Variants in PDGFC observed in about 807,000 individuals in gnomAD.
The protein encoded by PDGFC is platelet derived growth factor C, also known as platelet-derived growth factor C.
In PDGFC, 12 loss-of-function variants were observed where a neutral mutation model predicts 35.5. The ratio of observed to expected loss-of-function variants is 0.34; its 90% CI spans 0.22 to 0.55. PDGFC has a LOEUF of 0.55. Among genes scored for constraint, PDGFC ranks in the 20% least tolerant of loss-of-function variants. The pLI, the probability that PDGFC is intolerant of heterozygous loss-of-function variation, is 0.91. For missense variants in PDGFC, 322 were observed against 412.4 expected, an observed-to-expected ratio of 0.78 and a Z score of 1.90; for synonymous variants, 159 against 148.8, an observed-to-expected ratio of 1.07 and a Z score of -0.50.
rs1489220548 is a variant in PDGFC, at chr4:156,865,185, T to TGC, written c.119-14771_119-14770dup. On this transcript the variant is annotated intron_variant, in intron 1 of 5. Transcript: ENST00000502773. ...TCACTTTAGGATTAGAAGATACATGTGCACACACACACACACACACACACA... is the reference window on the plus strand; with the variant it reads ...TCACTTTAGGATTAGAAGATACATGTGCGCACACACACACACACACACACACA... 3.1e-4 allele frequency among the ~76,000 whole-genome samples: 37 copies of TGC among 119,580 alleles called. No individual in the cohort carries two copies. The East Asian group carries it at 3.3e-3, about 11-fold the overall frequency. 78.4% of individuals were successfully genotyped at this position (119,580 alleles called of 152,430 possible).
At chr4:156,787,610 T>C (rs1169707444) in intron 3 of PDGFC, among the ~76,000 whole-genome samples, 1 of 151,884 alleles carries the variant, frequency 6.6e-6, no homozygotes, top group African/African-American at 2.4e-5. Context: ...AATAGCCTTA[T>C]TGATGTGCTG....
chr4:156,877,763 T>C, intron 1 of PDGFC, among the ~76,000 whole-genome samples: 1 of 152,126 alleles, frequency 6.6e-6, no homozygotes, highest in Non-Finnish European at 1.5e-5. Context: ...TACTTCCTCT[T>C]CTGAGTTCAT....
intron 3 of PDGFC, among the ~76,000 whole-genome samples, chr4:156,776,453 A>G (rs1261530609): frequency 2.0e-5 from 3 of 152,228 alleles, no homozygotes; most frequent in African/African-American, 7.2e-5. Context: ...GGTGTTCTGC[A>G]ATGTAGACAA....
At chr4:156,766,473 C>T (rs1730533337) in intron 5 of PDGFC, among the ~76,000 whole-genome samples, 1 of 152,116 alleles carries the variant, frequency 6.6e-6, no homozygotes, top group Non-Finnish European at 1.5e-5. Context: ...ATCCCATCTC[C>T]TCCTCCAGCA....
intron 2 of PDGFC, among the ~76,000 whole-genome samples, chr4:156,835,078 A>T (rs866018496): frequency 3.5e-4 from 54 of 152,302 alleles, no homozygotes; most frequent in African/African-American, 1.2e-3. Flanking sequence ...GAGGTGTGGG[A>T]TAGGGTCGGA....
rs1488756938 is a variant in PDGFC, at chr4:156,971,600, G to A, written c.-697C>T. On this transcript the variant is annotated 5_prime_UTR_variant, in exon 1 of 6. Coordinates refer to ENST00000502773, the MANE Select transcript of PDGFC (RefSeq NM_016205.3). ...CAGTTGGCCCCGGGTTCGGAGCGCCGCAGCACGGATTCCGGCACCTGGCTT... is the reference window on the plus strand; with the variant it reads ...CAGTTGGCCCCGGGTTCGGAGCGCCACAGCACGGATTCCGGCACCTGGCTT... Among the ~76,000 whole-genome samples the A allele has an allele frequency of 1.3e-5, 2 of 151,432 alleles. No homozygotes were observed. Among genetic ancestry groups the A allele is most frequent in the African/African-American group, 2.4e-5 (1 of 41,304 alleles).
chr4:156,904,824 A>G (rs1417615598), intron 1 of PDGFC, among the ~76,000 whole-genome samples: 1 of 152,092 alleles, frequency 6.6e-6, no homozygotes, highest in Non-Finnish European at 1.5e-5. Context: ...CTACACTTAA[A>G]TGTTTACTGA....
At chr4:156,949,767 C>T (rs542979039) in intron 1 of PDGFC, among the ~76,000 whole-genome samples, 50 of 151,996 alleles carry the variant, frequency 3.3e-4, no homozygotes, top group African/African-American at 1.2e-3. Context: ...CTATGGAAAT[C>T]AAAGACTGCA....
intron 1 of PDGFC, among the ~76,000 whole-genome samples, chr4:156,887,891 T>C (rs1296123339): frequency 6.6e-6 from 1 of 150,474 alleles, no homozygotes; most frequent in Non-Finnish European, 1.5e-5. Flanking sequence ...CAGTCCCAGG[T>C]ACTTGGGAGG....
At chr4:156,881,534 C>T (rs1383975950) in intron 1 of PDGFC, among the ~76,000 whole-genome samples, 2 of 152,014 alleles carry the variant, frequency 1.3e-5, no homozygotes, top group Non-Finnish European at 2.9e-5. Context: ...GTGGTGTTCT[C>T]ATGATAAGCA....
intron 2 of PDGFC, among the ~76,000 whole-genome samples, chr4:156,817,424 T>A (rs980700956): frequency 4.6e-5 from 7 of 152,216 alleles, no homozygotes; most frequent in Non-Finnish European, 8.8e-5. Flanking sequence ...GTATATTTTA[T>A]GTAACTTTAT....
chr4:156,843,907 C>T (rs892455790), intron 2 of PDGFC, among the ~76,000 whole-genome samples: 22 of 152,106 alleles, frequency 1.4e-4, no homozygotes, highest in African/African-American at 5.3e-4. Context: ...ACTGTTAACT[C>T]CTTCAACTGA....
chr4:156,788,955 T>C (rs964789948), intron 3 of PDGFC, among the ~76,000 whole-genome samples: 8 of 152,336 alleles, frequency 5.3e-5, no homozygotes, highest in African/African-American at 1.7e-4. Flanking sequence ...ATTCATAATT[T>C]AGGAAGTGGT....
chr4:156,806,217 T>A (rs143793199), intron 3 of PDGFC, among the ~76,000 whole-genome samples: 29 of 152,110 alleles, frequency 1.9e-4, no homozygotes, highest in African/African-American at 5.5e-4. Flanking sequence ...TTCACTGAAG[T>A]GTTGTGAGTT....
chr4:156,929,918 C>T (rs1196288760), intron 1 of PDGFC, among the ~76,000 whole-genome samples: 1 of 151,948 alleles, frequency 6.6e-6, no homozygotes, highest in South Asian at 2.1e-4. Context: ...CAAAGGCCCA[C>T]ACAAGTAGAA....
At chr4:156,869,771 A>G (rs559390061) in intron 1 of PDGFC, among the ~76,000 whole-genome samples, 9 of 152,298 alleles carry the variant, frequency 5.9e-5, no homozygotes, top group African/African-American at 1.7e-4. Context: ...GTGTCTTTTT[A>G]AATTAAACAT....
chr4:156,910,989 T>C (rs999589820), intron 1 of PDGFC, among the ~76,000 whole-genome samples: 5 of 152,174 alleles, frequency 3.3e-5, no homozygotes, highest in Admixed American at 2.6e-4. Flanking sequence ...TCTAAATCCA[T>C]AGCTCGTCCT....
intron 2 of PDGFC, among the ~76,000 whole-genome samples, chr4:156,850,009 G>A (rs1475881821): frequency 6.6e-6 from 1 of 151,818 alleles, no homozygotes; most frequent in Non-Finnish European, 1.5e-5. Flanking sequence ...TTTAGAAGTA[G>A]GTAGAAAACA....
At position 156,918,963 on chromosome 4, in the gene PDGFC, CAA is replaced by C. The variant is rs1731212504; in HGVS notation, c.118+51821_118+51822del. 2.0e-5 allele frequency among the ~76,000 whole-genome samples: 3 copies of C among 152,082 alleles called. No individual in the cohort carries two copies. The South Asian group carries it at 6.2e-4, about 32-fold the overall frequency. On this transcript the variant is annotated intron_variant, in intron 1 of 5. Coordinates refer to ENST00000502773, the MANE Select transcript of PDGFC (RefSeq NM_016205.3). ...TATTGTACTATAATAAAGCTAACGC[CAA>C]AAAGTCAGTGATTTTACAACACGAC...
Sources: gnomAD v4.1 joint callset for allele counts (sites outside exome capture counted in the v4.1 genomes callset) on GRCh38, gnomAD v4.1.1 for gene constraint, MANE v1.5 for transcripts, NCBI Gene and HGNC (gene_info 2026-07-23, HGNC 2026-07-21) for gene names.